The following ERC1 variants were observed in gnomAD, a reference collection of about 807,000 sequenced individuals.
ERC1 encodes the protein ELKS/RAB6-interacting/CAST family member 1.
In ERC1, 56 loss-of-function variants were observed where a neutral mutation model predicts 132.0. The ratio of observed to expected loss-of-function variants is 0.42; its 90% CI spans 0.34 to 0.53. ERC1 has a LOEUF of 0.53. Among genes scored for constraint, ERC1 ranks in the 20% least tolerant of loss-of-function variants. ERC1 has a pLI of 0.03. For synonymous variants in ERC1, 478 were observed against 476.1 expected, an observed-to-expected ratio of 1.00 and a Z score of -0.05; for missense variants, 1,202 against 1,349.9, an observed-to-expected ratio of 0.89 and a Z score of 1.72.
chr12:1,195,168 C>A (rs976530509), intron 12 of ERC1, among the ~76,000 whole-genome samples: 1 of 152,128 alleles, frequency 6.6e-6, no homozygotes, highest in Non-Finnish European at 1.5e-5. Context: ...ATTGTTTGAG[C>A]TTTGACAAAT....
Position 1,262,955 on chromosome 12 carries a change from A to G in ERC1, c.2488-79A>G, listed in dbSNP as rs573826126. On this transcript the variant is annotated intron_variant, in intron 13 of 18. Transcript: ENST00000360905. The stretch of plus-strand genomic sequence containing the variant: ...TGATGGAAAGAACATTTAATAAGCA[A>G]ACAGCCCTTTCTTAATAAATAGGCT... The G allele has an allele frequency of 6.7e-4, 967 of 1,444,698 alleles. 1 individual carries two copies. Among genetic ancestry groups the G allele is most frequent in the Non-Finnish European group, 8.3e-4 (879 of 1,053,316 alleles). 89.5% of individuals were successfully genotyped at this position (1,444,698 alleles called of 1,614,324 possible).
intron 2 of ERC1, among the ~76,000 whole-genome samples, chr12:1,041,073 T>C (rs940839767): frequency 6.6e-6 from 1 of 152,216 alleles, no homozygotes; most frequent in Admixed American, 6.5e-5. Flanking sequence ...ATGTAGGTTA[T>C]ATCTACCAAT....
intron 14 of ERC1, among the ~76,000 whole-genome samples, chr12:1,267,942 G>A (rs1007166267): frequency 1.3e-5 from 2 of 152,022 alleles, no homozygotes; most frequent in Non-Finnish European, 2.9e-5. Flanking sequence ...TTATATCTGT[G>A]GTTTGCTAGG....
At chr12:1,262,114 A>G (rs573138333) in intron 13 of ERC1, among the ~76,000 whole-genome samples, 1 of 152,324 alleles carries the variant, frequency 6.6e-6, no homozygotes, top group East Asian at 1.9e-4. Context: ...AAATTGGAGA[A>G]TGGTTTAGCA....
At chr12:1,384,177 GA>G (rs2089045437) in intron 16 of ERC1, among the ~76,000 whole-genome samples, 1 of 152,182 alleles carries the variant, frequency 6.6e-6, no homozygotes, top group South Asian at 2.1e-4. Context: ...AAATTACAGT[GA>G]AAATATATAC....
intron 2 of ERC1, among the ~76,000 whole-genome samples, chr12:1,053,032 T>G (rs1056691186): frequency 1.6e-4 from 25 of 152,206 alleles, no homozygotes; most frequent in African/African-American, 6.0e-4. Flanking sequence ...GAATAGTTTA[T>G]TTGAATAGTT....
chr12:1,111,012 C>T (rs1375241837), intron 5 of ERC1, among the ~76,000 whole-genome samples: 1 of 152,136 alleles, frequency 6.6e-6, no homozygotes, highest in Non-Finnish European at 1.5e-5. Flanking sequence ...CCCTAAGAGG[C>T]TTTTTAATGA....
rs150632788 is a variant in ERC1, at chr12:1,214,449, G to A, written c.2352-22320G>A. 4.9e-3 allele frequency among the ~76,000 whole-genome samples: 749 copies of A among 152,148 alleles called. 13 individuals are homozygous for A. The highest frequency in any genetic ancestry group is 0.017 in the African/African-American group (720 of 41,496). On this transcript the variant is annotated intron_variant, in intron 12 of 18. Coordinates refer to ENST00000360905, the MANE Select transcript of ERC1 (RefSeq NM_178040.4). ...ATAAGTACTTGTAAGGGTTATTATG[G>A]TATTATATTTAGCATAGCGCTAGAG...
chr12:1,071,090 C>T (rs1940265415), intron 2 of ERC1, among the ~76,000 whole-genome samples: 1 of 152,138 alleles, frequency 6.6e-6, no homozygotes, highest in Non-Finnish European at 1.5e-5. Flanking sequence ...ATCAGTTTAT[C>T]CAATCTTCTG....
At position 1,189,882 on chromosome 12, in the gene ERC1, C is replaced by T; in HGVS notation, c.2181C>T (p.Ala727=). 6.2e-7 allele frequency: 1 copy of T among 1,609,580 alleles called. No individual in the cohort carries two copies. The highest frequency in any genetic ancestry group is 8.5e-7 in the Non-Finnish European group (1 of 1,177,740). Reference sequence around the variant, plus strand: ...AGGCACATGAGGCAGCATTGGAAGCCAGAGCCAGTCCAGAGATGAGTGACC... The same window carrying T: ...AGGCACATGAGGCAGCATTGGAAGCTAGAGCCAGTCCAGAGATGAGTGACC... ...LKKAHEAALE[A]RASPEMSDRI... Residue 727 remains alanine, a synonymous_variant, in exon 12 of 19, where the codon GCC becomes GCT. Coordinates refer to ENST00000360905, the MANE Select transcript of ERC1 (RefSeq NM_178040.4).
chr12:1,411,878 G>A (rs1008797565), intron 17 of ERC1, among the ~76,000 whole-genome samples: 1 of 151,032 alleles, frequency 6.6e-6, no homozygotes, highest in Admixed American at 6.6e-5. Flanking sequence ...AGGCCTATAG[G>A]TAACTTCACC....
chr12:1,025,471 C>G (rs1966848108), intron 1 of ERC1, among the ~76,000 whole-genome samples: 1 of 152,044 alleles, frequency 6.6e-6, no homozygotes, highest in African/African-American at 2.4e-5. Context: ...GTCATTTTGA[C>G]ATAATTAAGT....
intron 15 of ERC1, among the ~76,000 whole-genome samples, chr12:1,327,125 T>C (rs184983859): frequency 7.3e-4 from 111 of 152,296 alleles, no homozygotes; most frequent in African/African-American, 2.6e-3. Context: ...CTTGTTTTGA[T>C]TCTAAATCTC....
chr12:1,422,534 T>G lies in ERC1; in HGVS notation c.3024+14287T>G, dbSNP rs190829840. Among the ~76,000 whole-genome samples the G allele has an allele frequency of 1.8e-4, 28 of 152,264 alleles. 1 individual carries two copies. In the East Asian group the frequency reaches 5.4e-3, roughly 29 times the overall value. On this transcript the variant is annotated intron_variant, in intron 17 of 18. Transcript: ENST00000360905. Reference sequence around the variant, plus strand: ...GCTAAAATGACAGAATTTCATTCTTTTTTTTTTTAATCACTAAATAGCATT... The same window carrying G: ...GCTAAAATGACAGAATTTCATTCTTGTTTTTTTTAATCACTAAATAGCATT...
chr12:1,448,879 G>A (rs796905920), intron 18 of ERC1, among the ~76,000 whole-genome samples: 22 of 152,362 alleles, frequency 1.4e-4, no homozygotes, highest in African/African-American at 3.8e-4. Context: ...ACCTTGCGCC[G>A]GGAAAAGCTG....
chr12:1,351,617 G>A (rs909033277), intron 15 of ERC1, among the ~76,000 whole-genome samples: 1 of 152,126 alleles, frequency 6.6e-6, no homozygotes, highest in Non-Finnish European at 1.5e-5. Context: ...TGAGGTGTCT[G>A]TTAAGGTCTC....
intron 8 of ERC1, among the ~76,000 whole-genome samples, chr12:1,169,910 G>GC (rs1403051414): frequency 1.3e-5 from 2 of 152,114 alleles, no homozygotes; most frequent in African/African-American, 4.8e-5. Context: ...TTGCTTACAT[G>GC]CCCCAAAGAA....
At chr12:1,002,509 A>G (rs986816180) in intron 1 of ERC1, among the ~76,000 whole-genome samples, 5 of 151,952 alleles carry the variant, frequency 3.3e-5, no homozygotes, top group Non-Finnish European at 7.4e-5. Flanking sequence ...TTTAGTGCAT[A>G]TGTGTATGTA....
intron 15 of ERC1, among the ~76,000 whole-genome samples, chr12:1,370,510 G>C (rs2087099458): frequency 6.6e-6 from 1 of 152,210 alleles, no homozygotes; most frequent in Non-Finnish European, 1.5e-5. Flanking sequence ...GCATGAAAAT[G>C]TCTTCAGTGT....
Sources: allele counts gnomAD v4.1 joint callset (sites outside exome capture counted in the v4.1 genomes callset), GRCh38; gene constraint gnomAD v4.1.1; transcripts MANE v1.5; gene names NCBI Gene and HGNC (gene_info 2026-07-23, HGNC 2026-07-21).